The following NTM variants were observed in gnomAD, a reference collection of about 807,000 sequenced individuals.
NTM encodes IgLON family member 2.
A neutral mutation model predicts 42.1 loss-of-function variants in NTM; 13 were observed. The ratio of observed to expected loss-of-function variants is 0.31; its 90% CI spans 0.20 to 0.49. The LOEUF (loss-of-function observed/expected upper bound fraction) is 0.49, where lower values mean the gene tolerates loss of function less well. NTM is among the 20% of genes least tolerant of loss of function. The pLI is 0.99. For missense variants in NTM, 373 were observed against 452.8 expected, an observed-to-expected ratio of 0.82 and a Z score of 1.60; for synonymous variants, 187 against 179.2, an observed-to-expected ratio of 1.04 and a Z score of -0.35.
chr11:131,491,195 T>C (rs1954746390), intron 1 of NTM, among the ~76,000 whole-genome samples: 1 of 152,182 alleles, frequency 6.6e-6, no homozygotes, highest in Non-Finnish European at 1.5e-5. Flanking sequence ...AAAGAAACTG[T>C]CTTGAGCTAT....
chr11:132,204,926 G>A (rs1025801251), intron 3 of NTM, among the ~76,000 whole-genome samples: 6 of 152,184 alleles, frequency 3.9e-5, no homozygotes, highest in African/African-American at 1.4e-4. Flanking sequence ...CTGCTTGGTT[G>A]CATCTTTCCA....
chr11:131,739,047 C>T (rs2080850191), intron 1 of NTM, among the ~76,000 whole-genome samples: 1 of 152,100 alleles, frequency 6.6e-6, no homozygotes, highest in African/African-American at 2.4e-5. Context: ...TTCCATCTGC[C>T]AAGTGAAGCA....
At chr11:131,972,400 C>G (rs899911688) in intron 2 of NTM, among the ~76,000 whole-genome samples, 1 of 151,914 alleles carries the variant, frequency 6.6e-6, no homozygotes, top group Non-Finnish European at 1.5e-5. Context: ...ATAATAATTT[C>G]TTTTTTAGCT....
At chr11:131,684,548 C>T (rs1349001673) in intron 1 of NTM, among the ~76,000 whole-genome samples, 1 of 152,230 alleles carries the variant, frequency 6.6e-6, no homozygotes, top group African/African-American at 2.4e-5. Context: ...CTGGCTGACA[C>T]AGCCGCTTCC....
intron 2 of NTM, among the ~76,000 whole-genome samples, chr11:131,919,486 A>G (rs1219485035): frequency 6.6e-6 from 1 of 152,124 alleles, no homozygotes; most frequent in African/African-American, 2.4e-5. Flanking sequence ...ATTGGAGACA[A>G]ACATCTCCAA....
chr11:131,897,567 T>A (rs2052500649), intron 1 of NTM, among the ~76,000 whole-genome samples: 1 of 152,174 alleles, frequency 6.6e-6, no homozygotes, highest in South Asian at 2.1e-4. Context: ...TTACTGTAAT[T>A]ACTAATGCAA....
At chr11:132,161,253 T>G (rs568253525) in intron 3 of NTM, among the ~76,000 whole-genome samples, 21 of 152,238 alleles carry the variant, frequency 1.4e-4, no homozygotes, top group East Asian at 7.8e-4. Context: ...GCACCCTGTT[T>G]AGAAGATCGG....
At chr11:131,583,638 C>T (rs2058608951) in intron 1 of NTM, among the ~76,000 whole-genome samples, 1 of 152,046 alleles carries the variant, frequency 6.6e-6, no homozygotes, top group African/African-American at 2.4e-5. Flanking sequence ...CTAGGAGGTG[C>T]GGATTAATAT....
intron 1 of NTM, among the ~76,000 whole-genome samples, chr11:131,800,990 G>C (rs1405053265): frequency 6.6e-6 from 1 of 152,166 alleles, no homozygotes; most frequent in Non-Finnish European, 1.5e-5. Context: ...ATAGGAAATT[G>C]CTATAATTTC....
intron 2 of NTM, among the ~76,000 whole-genome samples, chr11:132,058,766 G>A (rs546067123): frequency 5.1e-4 from 78 of 152,282 alleles, no homozygotes; most frequent in African/African-American, 1.5e-3. Context: ...AGAACATCAC[G>A]AAACCAATAG....
chr11:131,930,844 T>G (rs532157283), intron 2 of NTM, among the ~76,000 whole-genome samples: 1 of 152,328 alleles, frequency 6.6e-6, no homozygotes, highest in African/African-American at 2.4e-5. Flanking sequence ...TTCTAATAAT[T>G]TAAAATTAAC....
At chr11:132,084,671 T>C (rs1396545205) in intron 2 of NTM, among the ~76,000 whole-genome samples, 2 of 152,242 alleles carry the variant, frequency 1.3e-5, no homozygotes, top group South Asian at 4.1e-4. Context: ...AAAATTATTT[T>C]AGAAAGACAA....
intron 1 of NTM, among the ~76,000 whole-genome samples, chr11:131,846,598 TGTTAA>T (rs1301190091): frequency 6.6e-6 from 1 of 152,214 alleles, no homozygotes; most frequent in Admixed American, 6.5e-5. Flanking sequence ...ATTTTAGATA[TGTTAA>T]ATTTGAGTAT....
intron 1 of NTM, among the ~76,000 whole-genome samples, chr11:131,621,195 G>A (rs959955931): frequency 6.6e-5 from 10 of 152,116 alleles, no homozygotes; most frequent in Admixed American, 2.6e-4. Context: ...ATTAATTTAC[G>A]TCTGTGTATT....
At chr11:131,490,517 C>T (rs969398641) in intron 1 of NTM, among the ~76,000 whole-genome samples, 2 of 152,182 alleles carry the variant, frequency 1.3e-5, no homozygotes, top group African/African-American at 4.8e-5. Flanking sequence ...CAGTTGGAGT[C>T]ATTTCCATGG....
chr11:131,860,903 G>A (rs960485254), intron 1 of NTM, among the ~76,000 whole-genome samples: 6 of 152,198 alleles, frequency 3.9e-5, no homozygotes, highest in East Asian at 1.9e-4. Context: ...GCATGATAAT[G>A]CCAAAGACAC....
intron 1 of NTM, among the ~76,000 whole-genome samples, chr11:131,680,747 G>C (rs1240517334): frequency 2.1e-5 from 3 of 145,074 alleles, no homozygotes; most frequent in African/African-American, 8.2e-5. Flanking sequence ...GTGTGCCTCT[G>C]TGTCTGTGTG....
chr11:132,250,645 G>T (rs193259494), intron 4 of NTM, among the ~76,000 whole-genome samples: 34 of 150,256 alleles, frequency 2.3e-4, no homozygotes, highest in African/African-American at 7.8e-4. Flanking sequence ...TCTCTCTTTA[G>T]CTGTGTCTCA....
intron 4 of NTM, among the ~76,000 whole-genome samples, chr11:132,262,869 C>G (rs1008814416): frequency 6.6e-6 from 1 of 152,206 alleles, no homozygotes. Context: ...TAAATATCAT[C>G]TTAATCAGGT....
Sources: allele counts gnomAD v4.1 joint callset (sites outside exome capture counted in the v4.1 genomes callset), GRCh38; gene constraint gnomAD v4.1.1; transcripts MANE v1.5; gene names NCBI Gene and HGNC (gene_info 2026-07-23, HGNC 2026-07-21).